The following BTRC variants were observed in gnomAD, a reference collection of about 807,000 sequenced individuals.
The protein encoded by BTRC is F-box/WD repeat-containing protein 1A.
Under a neutral mutation model 85.5 loss-of-function variants are expected in BTRC, and 42 were observed. The observed-to-expected ratio is 0.49, with a 90% CI of 0.38 to 0.64. The LOEUF (loss-of-function observed/expected upper bound fraction) is 0.64, where lower values mean the gene tolerates loss of function less well. Among genes scored for constraint, BTRC ranks in the 30% least tolerant of loss-of-function variants. The pLI is 0.00. For synonymous variants in BTRC, 255 were observed against 263.3 expected (o/e 0.97, Z 0.30); for missense variants, 594 against 743.5 (o/e 0.80, Z 2.34).
In BTRC at chr10:101,381,962, C is replaced by CTTTTTTTTTTTT. The variant is rs71016314; in HGVS notation, c.48+27761_48+27772dup. Among the ~76,000 whole-genome samples the CTTTTTTTTTTTT allele has an allele frequency of 1.2e-4, 6 of 49,156 alleles. 1 individual carries two copies. Among genetic ancestry groups the CTTTTTTTTTTTT allele is most frequent in the African/African-American group, 6.7e-4 (6 of 8,978 alleles). 32.2% of individuals were successfully genotyped at this position (49,156 alleles called of 152,430 possible). ...GAACCCCTAGTTATCCTAAGAATGT[C>CTTTTTTTTTTTT]TTTTTTTTTTTTTTTTTTTTTTTTT... On this transcript the variant is annotated intron_variant, in intron 1 of 14. Coordinates refer to ENST00000370187, the MANE Select transcript of BTRC (RefSeq NM_033637.4).
In BTRC at chr10:101,466,252, T is replaced by C. The variant is rs1017183148; in HGVS notation, c.234+4194T>C. Reference sequence around the variant, plus strand: ...ACCATCCTGAGAACGTGGGCAGTGATAAATAAAGCATTGAGTAGAGCTCTC... The same window carrying C: ...ACCATCCTGAGAACGTGGGCAGTGACAAATAAAGCATTGAGTAGAGCTCTC... On this transcript the variant is annotated intron_variant, in intron 3 of 14. Coordinates refer to ENST00000370187, the MANE Select transcript of BTRC (RefSeq NM_033637.4). Among the ~76,000 whole-genome samples the C allele has an allele frequency of 9.2e-5, 14 of 152,288 alleles. 1 individual carries two copies. The highest frequency in any genetic ancestry group is 3.4e-3 in the Middle Eastern group (1 of 294).
chr10:101,522,071 C>T (rs1181508841), intron 5 of BTRC, among the ~76,000 whole-genome samples: 3 of 106,440 alleles, frequency 2.8e-5, no homozygotes, highest in African/African-American at 7.4e-5. Context: ...CTTGCCCTGT[C>T]GCCCAGGCTG....
chr10:101,438,498 TCA>T (rs894987688), intron 2 of BTRC, among the ~76,000 whole-genome samples: 18 of 150,832 alleles, frequency 1.2e-4, no homozygotes, highest in African/African-American at 4.4e-4. Flanking sequence ...TTTTTATGTC[TCA>T]CACATACACA....
At chr10:101,392,354 T>C (rs1943256403) in intron 1 of BTRC, among the ~76,000 whole-genome samples, 2 of 152,206 alleles carry the variant, frequency 1.3e-5, no homozygotes, top group African/African-American at 2.4e-5. Flanking sequence ...AAGAAACCAT[T>C]GGCAACCCCT....
intron 1 of BTRC, 88 bp downstream of exon 1, chr10:101,354,316 G>A (rs1941966099): frequency 4.2e-6 from 6 of 1,445,672 alleles, no homozygotes; most frequent in Non-Finnish European, 5.6e-6. Flanking sequence ...TGCGGGACCG[G>A]GCAGCGGGAC....
intron 4 of BTRC, among the ~76,000 whole-genome samples, chr10:101,506,672 G>A (rs1408085961): frequency 6.6e-6 from 1 of 152,170 alleles, no homozygotes; most frequent in Non-Finnish European, 1.5e-5. Context: ...TGACTGAAAG[G>A]AAATCTTTCA....
chr10:101,379,802 T>A (rs1456945720), intron 1 of BTRC, among the ~76,000 whole-genome samples: 1 of 152,180 alleles, frequency 6.6e-6, no homozygotes, highest in East Asian at 1.9e-4. Context: ...CTTACAAAGC[T>A]TGTAAATAGC....
chr10:101,430,379 C>G lies in BTRC; in HGVS notation c.83C>G (p.Ser28Cys). The G allele has an allele frequency of 6.2e-7, 1 of 1,614,080 alleles. No individual in the cohort carries two copies. The highest frequency in any genetic ancestry group is 8.5e-7 in the Non-Finnish European group (1 of 1,179,992). Residue 28 changes from serine (S) to cysteine (C), a missense_variant, in exon 2 of 15, where the codon TCC (serine) becomes TGC (cysteine). This residue lies in a region of BTRC where 163 missense variants were observed against 180.5 expected (regional missense o/e 0.90). Transcript: ENST00000370187. ...CCCAGGTCTCTGTGGCTGGGCTGCT[C>G]CAGCCTGGCGGACAGCATGCCTTCG... ...SMPRSLWLGC[S>C]SLADSMPSLR...
At chr10:101,519,425 T>C (rs1267719043) in intron 4 of BTRC, among the ~76,000 whole-genome samples, 5 of 152,102 alleles carry the variant, frequency 3.3e-5, no homozygotes, top group Non-Finnish European at 5.9e-5. Flanking sequence ...CTTGCTGTTG[T>C]AGGACTGAGG....
chr10:101,545,556 G>A (rs982236183), intron 13 of BTRC, among the ~76,000 whole-genome samples: 2 of 152,194 alleles, frequency 1.3e-5, no homozygotes, highest in African/African-American at 4.8e-5. Context: ...AATCCAATAT[G>A]ACTGGTGTCC....
chr10:101,393,107 G>T lies in BTRC; in HGVS notation c.49-37238G>T, dbSNP rs1201918716. ...TCATACCCTCGTGGGAGGAAGGAAT[G>T]CTTCCATAAAAACTCAAGAGGACTG... On this transcript the variant is annotated intron_variant, in intron 1 of 14. Transcript: ENST00000370187. 2.6e-5 allele frequency among the ~76,000 whole-genome samples: 4 copies of T among 152,124 alleles called. No individual in the cohort carries two copies. The South Asian group carries it at 8.3e-4, about 32-fold the overall frequency.
chr10:101,470,329 C>CTTTTTTTT (rs950644281), intron 3 of BTRC, among the ~76,000 whole-genome samples: 7 of 94,930 alleles, frequency 7.4e-5, no homozygotes, highest in African/African-American at 2.7e-4. Flanking sequence ...ATTTTTCTTT[C>CTTTTTTTT]TTTTTTTTTT....
chr10:101,505,940 A>G (rs1295693876), intron 4 of BTRC, among the ~76,000 whole-genome samples: 3 of 148,246 alleles, frequency 2.0e-5, no homozygotes, highest in Non-Finnish European at 4.5e-5. Context: ...TTTGAGACGG[A>G]GTCTCGCTGT....
intron 1 of BTRC, among the ~76,000 whole-genome samples, chr10:101,357,074 A>G (rs1590192629): frequency 6.6e-6 from 1 of 151,446 alleles, no homozygotes; most frequent in East Asian, 1.9e-4. Context: ...GCTTGCAGTG[A>G]GCCAAGATCG....
At chr10:101,377,721 C>T (rs937827217) in intron 1 of BTRC, among the ~76,000 whole-genome samples, 3 of 152,158 alleles carry the variant, frequency 2.0e-5, no homozygotes, top group Non-Finnish European at 2.9e-5. Flanking sequence ...CTAACTTTAA[C>T]ATTCTATGAA....
intron 3 of BTRC, among the ~76,000 whole-genome samples, chr10:101,470,351 G>A: frequency 2.5e-5 from 1 of 40,738 alleles, no homozygotes; most frequent in Non-Finnish European, 5.3e-5. Context: ...TTTTTTTTTT[G>A]AGACGGAGTC....
At chr10:101,450,498 CT>C (rs1944931709) in intron 2 of BTRC, among the ~76,000 whole-genome samples, 1 of 152,112 alleles carries the variant, frequency 6.6e-6, no homozygotes, top group African/African-American at 2.4e-5. Context: ...CTTAGTTGAG[CT>C]TGTTTATCTT....
At chr10:101,462,775 T>C (rs1181871597) in intron 3 of BTRC, among the ~76,000 whole-genome samples, 1 of 151,804 alleles carries the variant, frequency 6.6e-6, no homozygotes, top group Non-Finnish European at 1.5e-5. Context: ...CTTGTAAAAA[T>C]TAGAATGTCC....
At chr10:101,539,043 C>G (rs2062428653) in intron 13 of BTRC, among the ~76,000 whole-genome samples, 1 of 141,502 alleles carries the variant, frequency 7.1e-6, no homozygotes, top group South Asian at 2.5e-4. Flanking sequence ...GAGCGAAACT[C>G]TGTCTTAAAA....
Sources: allele counts gnomAD v4.1 joint callset (sites outside exome capture counted in the v4.1 genomes callset), GRCh38; gene constraint gnomAD v4.1.1; regional missense constraint gnomAD v4.1.1; transcripts MANE v1.5; gene names NCBI Gene and HGNC (gene_info 2026-07-23, HGNC 2026-07-21).